The following ECE1 variants were observed in gnomAD, a reference collection of about 807,000 sequenced individuals.
ECE1 encodes the protein endothelin-converting enzyme 1.
A neutral mutation model predicts 98.6 loss-of-function variants in ECE1; 35 were observed. That is an observed-to-expected ratio of 0.35 (90% CI 0.27 to 0.47). The LOEUF (loss-of-function observed/expected upper bound fraction) is 0.47, where lower values mean the gene tolerates loss of function less well. ECE1 is among the 20% of genes least tolerant of loss of function. ECE1 has a pLI of 1.00. For synonymous variants in ECE1, 394 were observed against 407.1 expected, an observed-to-expected ratio of 0.97 and a Z score of 0.39; for missense variants, 814 against 1,025.3, an observed-to-expected ratio of 0.79 and a Z score of 2.81.
At chr1:21,250,759 G>A (rs1217522581) in intron 8 of ECE1, among the ~76,000 whole-genome samples, 1 of 152,116 alleles carries the variant, frequency 6.6e-6, no homozygotes, top group Non-Finnish European at 1.5e-5. Flanking sequence ...TGTAACCCCA[G>A]CACTTTGGGA....
In ECE1 at chr1:21,225,123, A is replaced by G; in HGVS notation, c.2040+127T>C. 1 of 1,294,038 alleles carries G rather than the reference A, an allele frequency of 7.7e-7. No homozygotes were observed. Among genetic ancestry groups the G allele is most frequent in the Admixed American group, 2.0e-5 (1 of 48,874 alleles). The allele number at this position is 1,294,038 out of a possible 1,614,324, so 80.2% of individuals were successfully genotyped here. A position where few individuals can be genotyped will look rare whatever the true frequency, so the allele number is the denominator to read the frequency against. On this transcript the variant is annotated intron_variant, in intron 17 of 18. Transcript: ENST00000374893. This position sits in a 1 kb window ranked among gnomAD's most constrained non-coding sequence, Gnocchi z 5.3. ...TGGTCCTCGCCACCCCCAATTTCGC[A>G]GAAGAGGAAACGGAAGCTCGCACGG...
At chr1:21,302,501 C>G (rs1340681539) in intron 1 of ECE1, among the ~76,000 whole-genome samples, 1 of 152,152 alleles carries the variant, frequency 6.6e-6, no homozygotes, top group Non-Finnish European at 1.5e-5. Context: ...ACTTATTTGG[C>G]ACTTACTGCA....
intron 1 of ECE1, among the ~76,000 whole-genome samples, chr1:21,337,644 C>T (rs1639328340): frequency 6.6e-6 from 1 of 152,198 alleles, no homozygotes; most frequent in Admixed American, 6.5e-5. Context: ...GCAGGTGACA[C>T]CGACTGAGTC....
chr1:21,321,737 T>TC (rs1638968559), intron 1 of ECE1, among the ~76,000 whole-genome samples: 1 of 152,114 alleles, frequency 6.6e-6, no homozygotes, highest in Non-Finnish European at 1.5e-5. Context: ...TGCCTCAGTC[T>TC]CCGAAGTAGC....
At chr1:21,239,774 T>C (rs1302244429) in intron 10 of ECE1, among the ~76,000 whole-genome samples, 1 of 151,896 alleles carries the variant, frequency 6.6e-6, no homozygotes, top group African/African-American at 2.4e-5. Flanking sequence ...TTTTTATACA[T>C]TTTTTTCTTT....
chr1:21,322,696 T>C lies in ECE1; in HGVS notation c.3+22680A>G, dbSNP rs928542816. Among the ~76,000 whole-genome samples, 12 of 152,022 alleles carry C rather than the reference T, an allele frequency of 7.9e-5. No individual in the cohort carries two copies. The highest frequency in any genetic ancestry group is 2.9e-4 in the African/African-American group (12 of 41,370). Reference sequence around the variant, plus strand: ...GGAAAAGGACAAGAAAACCCAGCGATGGAGAGGAGAGGCACAGGAAAGGGG... The same window carrying C: ...GGAAAAGGACAAGAAAACCCAGCGACGGAGAGGAGAGGCACAGGAAAGGGG... On this transcript the variant is annotated intron_variant, in intron 1 of 18. Coordinates refer to the ECE1 transcript ENST00000415912. This position sits in a 1 kb window ranked among gnomAD's most constrained non-coding sequence, Gnocchi z 4.1.
rs71636966 is a variant in ECE1, at chr1:21,225,225, C to T, written c.2040+25G>A. 52,428 of 1,612,876 alleles carry T rather than the reference C, an allele frequency of 0.033. 1,004 individuals carry two copies. The highest frequency in any genetic ancestry group is 0.036 in the Non-Finnish European group (42,059 of 1,179,698). On this transcript the variant is annotated intron_variant, in intron 17 of 18. Transcript: ENST00000374893. The surrounding 1 kb of genome is among the most constrained non-coding windows in gnomAD (Gnocchi z 5.3). ...GGAAGGAGCCAGCACTGGGACCGTG[C>T]GCGTGTGGGGAGCGGGGCTCTCACC...
chr1:21,274,029 G>A (rs1282937369), intron 3 of ECE1, among the ~76,000 whole-genome samples: 1 of 152,236 alleles, frequency 6.6e-6, no homozygotes, highest in Non-Finnish European at 1.5e-5. Context: ...GTTTACCCAG[G>A]CTGTGCTGAT....
In ECE1 at chr1:21,258,904, G is replaced by A. The variant is rs1573978645; in HGVS notation, c.616-65C>T. The A allele has an allele frequency of 6.2e-7, 1 of 1,600,312 alleles. No individual in the cohort carries two copies. The highest frequency in any genetic ancestry group is 8.5e-7 in the Non-Finnish European group (1 of 1,172,704). On this transcript the variant is annotated intron_variant, in intron 5 of 18. Transcript: ENST00000374893. The surrounding 1 kb of genome is among the most constrained non-coding windows in gnomAD (Gnocchi z 4.2). The stretch of plus-strand genomic sequence containing the variant: ...CGGGGAGACCCAGATGTGAATTCTG[G>A]TTCTGCCGCTGACTTGCTCTGTGAC...
Position 21,279,239 on chromosome 1 carries a change from C to A in ECE1, c.232G>T (p.Ala78Ser). Residue 78 changes from alanine (A) to serine (S), a missense_variant, in exon 3 of 19, where the codon GCA becomes TCA. Around this residue, in one of 3 missense-constraint regions of ECE1, gnomAD observed 257 missense variants for 278.9 expected, o/e 0.92. Transcript: ENST00000374893. The part of the protein sequence containing the change: ...RLVVLVVLLA[A>S]GLVACLAALG... ...GCTGCCAAGCAGGCCACCAGTCCTG[C>A]CGCCAGAAGTACCACCAACACCACC... The A allele has an allele frequency of 6.2e-7, 1 of 1,614,222 alleles. No homozygotes were observed. Among genetic ancestry groups the A allele is most frequent in the Non-Finnish European group, 8.5e-7 (1 of 1,180,048 alleles).
intron 16 of ECE1, 134 bp downstream of exon 16, chr1:21,227,025 A>G (rs985890560): frequency 1.3e-5 from 11 of 845,648 alleles, no homozygotes; most frequent in Admixed American, 1.2e-4. Flanking sequence ...TGCACAGCCT[A>G]ATTTTTTTTT....
At chr1:21,299,300 T>C (rs911512028) in intron 1 of ECE1, 22 of 181,068 alleles carry the variant, frequency 1.2e-4, no homozygotes, top group Non-Finnish European at 2.3e-4. Flanking sequence ...ATGAACCCCA[T>C]GCCAGCCAAC....
chr1:21,236,006 T>C (rs2103237440), intron 12 of ECE1, 79 bp from the exon 13 acceptor site: 3 of 1,371,684 alleles, frequency 2.2e-6, no homozygotes, highest in Non-Finnish European at 3.1e-6. Flanking sequence ...GCTGGGCTCA[T>C]AGTCTGGGCC....
chr1:21,272,073 G>T (rs1486252421), intron 4 of ECE1, among the ~76,000 whole-genome samples: 1 of 152,052 alleles, frequency 6.6e-6, no homozygotes, highest in African/African-American at 2.4e-5. Flanking sequence ...CAGTTCTTGT[G>T]TACACCCTAC....
chr1:21,300,099 C>A (rs967504716), intron 1 of ECE1, among the ~76,000 whole-genome samples: 1 of 152,232 alleles, frequency 6.6e-6, no homozygotes, highest in African/African-American at 2.4e-5. Context: ...AGATCAGGGT[C>A]GGGTGGAAGC....
chr1:21,306,896 A>C (rs2103385361), intron 1 of ECE1, among the ~76,000 whole-genome samples: 1 of 152,234 alleles, frequency 6.6e-6, no homozygotes, highest in East Asian at 1.9e-4. Flanking sequence ...TCTACAGATG[A>C]ACTAACTGAG....
chr1:21,288,635 C>A (rs1440697518), intron 2 of ECE1, among the ~76,000 whole-genome samples: 1 of 152,222 alleles, frequency 6.6e-6, no homozygotes, highest in Non-Finnish European at 1.5e-5. Flanking sequence ...TATATTTAGA[C>A]CCTTCTGTGG....
intron 1 of ECE1, among the ~76,000 whole-genome samples, chr1:21,301,774 C>T (rs552353188): frequency 1.1e-3 from 160 of 140,046 alleles, no homozygotes; most frequent in African/African-American, 3.6e-3. Context: ...TGCCGTGAGC[C>T]GAGATTGCAC....
chr1:21,254,421 A>C (rs908658590), intron 8 of ECE1, among the ~76,000 whole-genome samples: 5 of 151,702 alleles, frequency 3.3e-5, no homozygotes, highest in Non-Finnish European at 5.9e-5. Flanking sequence ...AGTCTGCTAA[A>C]CTCCCCCCAC....
Sources: allele counts gnomAD v4.1 joint callset (sites outside exome capture counted in the v4.1 genomes callset), GRCh38; gene constraint gnomAD v4.1.1; regional missense constraint gnomAD v4.1.1; non-coding constraint Gnocchi (gnomAD v3.1); transcripts MANE v1.5; gene names NCBI Gene and HGNC (gene_info 2026-07-23, HGNC 2026-07-21).